The following ZZEF1 variants were observed in gnomAD, a reference collection of about 807,000 sequenced individuals.
The protein encoded by ZZEF1 is zinc finger ZZ-type and EF-hand domain-containing protein 1.
In ZZEF1, 157 loss-of-function variants were observed where a neutral mutation model predicts 342.8. The ratio of observed to expected loss-of-function variants is 0.46; its 90% CI spans 0.40 to 0.52. ZZEF1 has a LOEUF of 0.52. Ranked by LOEUF, ZZEF1 falls within the 20% of genes least tolerant of loss-of-function variation. The pLI, the probability that ZZEF1 is intolerant of heterozygous loss-of-function variation, is 0.00. For missense variants in ZZEF1, 3,480 were observed against 3,725.6 expected (o/e 0.93, Z 1.72); for synonymous variants, 1,505 against 1,429.1 (o/e 1.05, Z -1.20).
At chr17:4,066,396 T>C (rs753028467) in intron 28 of ZZEF1, 51 bp downstream of exon 28, 39 of 1,584,004 alleles carry the variant, frequency 2.5e-5, no homozygotes, top group Non-Finnish European at 3.4e-5. Context: ...TTCCAGGCTC[T>C]AAAACGAAAA....
Position 4,052,871 on chromosome 17 carries a change from GGGC to G in ZZEF1, c.5435-738_5435-736del, listed in dbSNP as rs758033962. Reference sequence around the variant, plus strand: ...GACAGAGTGAGACTTTGTCTCGGGAGGGCGGCGGGGGAGAAAAAACCAGACCCA... The same window carrying G: ...GACAGAGTGAGACTTTGTCTCGGGAGGGCGGGGGAGAAAAAACCAGACCCA... On this transcript the variant is annotated intron_variant, in intron 34 of 54. Transcript: ENST00000381638. 1.4e-4 allele frequency among the ~76,000 whole-genome samples: 20 copies of G among 144,852 alleles called. 1 individual carries two copies. The highest frequency in any genetic ancestry group is 3.1e-4 in the African/African-American group (11 of 35,972).
At chr17:4,101,077 T>C (rs1277930464) in intron 9 of ZZEF1, among the ~76,000 whole-genome samples, 3 of 151,956 alleles carry the variant, frequency 2.0e-5, no homozygotes, top group Non-Finnish European at 2.9e-5. Context: ...TGGAGATGGA[T>C]GTGGTAAAGA....
chr17:4,085,916 T>G (rs1307509259), intron 15 of ZZEF1, 113 bp from the exon 16 acceptor site: 2 of 1,362,518 alleles, frequency 1.5e-6, no homozygotes, highest in East Asian at 4.6e-5. Context: ...AATACCAGAG[T>G]GAAGAAGTAT....
intron 39 of ZZEF1, among the ~76,000 whole-genome samples, chr17:4,035,672 G>A (rs547756997): frequency 5.3e-5 from 8 of 152,342 alleles, no homozygotes; most frequent in Middle Eastern, 3.4e-3. Context: ...GGGCATCTGC[G>A]CGGGGAGTTC....
intron 2 of ZZEF1, among the ~76,000 whole-genome samples, chr17:4,117,449 C>T (rs574806779): frequency 1.3e-5 from 2 of 152,020 alleles, no homozygotes; most frequent in Non-Finnish European, 2.9e-5. Context: ...AGTTCGATAT[C>T]AGCCTGGCCA....
rs769035501 is a variant in ZZEF1 at position 4,027,806 on chromosome 17, C to A, written c.6893-2688G>T. ...TTAGTAGAGATGGGGTCTAGCTATG[C>A]TGCCCAGGCTGGCCCCAAACTCCTG... On this transcript the variant is annotated intron_variant, in intron 42 of 54. Coordinates refer to ENST00000381638, the MANE Select transcript of ZZEF1 (RefSeq NM_015113.4). Among the ~76,000 whole-genome samples the A allele has an allele frequency of 3.2e-4, 49 of 151,064 alleles. 1 individual carries two copies. Among genetic ancestry groups the A allele is most frequent in the Admixed American group, 1.4e-3 (22 of 15,196 alleles).
At position 4,064,389 on chromosome 17, in the gene ZZEF1, T is replaced by A. The variant is rs771103656; in HGVS notation, c.4690A>T (p.Ile1564Phe). ...YPVLKDVMDF[I>F]KDQSLSHRSV... ...CTGTGCGAGAGCGACTGATCCTTAA[T>A]GAAGTCCATGACGTCCTTCAGCACA... is the stretch of plus-strand genomic sequence containing the variant. The change falls in exon 29 of 55, where the codon ATT becomes TTT. Residue 1564 changes from isoleucine (I) to phenylalanine (F), a missense_variant. By Grantham distance (21) the Ile-to-Phe change is conservative. This residue lies in a region of ZZEF1 where 1,528 missense variants were observed against 1,624.1 expected (regional missense o/e 0.94). Transcript: ENST00000381638. 6.2e-7 allele frequency: 1 copy of A among 1,601,686 alleles called. No homozygotes were observed. Among genetic ancestry groups the A allele is most frequent in the Non-Finnish European group, 8.5e-7 (1 of 1,170,334 alleles).
At chr17:4,071,007 A>G (rs767783072) in intron 25 of ZZEF1, 83 bp from the exon 26 acceptor site, 4 of 1,512,116 alleles carry the variant, frequency 2.6e-6, no homozygotes, top group African/African-American at 1.4e-5. Flanking sequence ...AGGCCAAAGC[A>G]GAAGTATAAA....
At position 4,008,695 on chromosome 17, in the gene ZZEF1, T is replaced by C. The variant is rs1453535258; in HGVS notation, c.8805+188A>G. The C allele has an allele frequency of 1.5e-6, 2 of 1,362,416 alleles. No homozygotes were observed. The highest frequency in any genetic ancestry group is 1.5e-5 in the African/African-American group (1 of 67,608). 84.4% of individuals were successfully genotyped at this position (1,362,416 alleles called of 1,614,324 possible). ...CCCCACAGTTTAGAGTGAATGACTC[T>C]GATAAATGGGGCTCGTGCATGCTCT... On this transcript the variant is annotated intron_variant, in intron 54 of 54. Coordinates refer to ENST00000381638, the MANE Select transcript of ZZEF1 (RefSeq NM_015113.4). This position sits in a 1 kb window ranked among gnomAD's most constrained non-coding sequence, Gnocchi z 4.2.
At position 4,109,747 on chromosome 17, in the gene ZZEF1, A is replaced by T. The variant is rs2058267446; in HGVS notation, c.1183T>A (p.Ser395Thr). Residue 395 changes from serine to threonine, a missense_variant, in exon 6 of 55, where the codon TCT (serine) becomes ACT (threonine). Transcript: ENST00000381638. Reference sequence around the variant, plus strand: ...AGCAGAGACCAATACCATATTGCAGAAGCATCTGAGACTGAGACCCCAGAC... The same window carrying T: ...AGCAGAGACCAATACCATATTGCAGTAGCATCTGAGACTGAGACCCCAGAC... ...KKSGVSVSDASAIWYWSLLTS... is the reference protein window; with the variant it reads ...KKSGVSVSDATAIWYWSLLTS... The T allele has an allele frequency of 6.2e-7, 1 of 1,614,052 alleles. No individual in the cohort carries two copies. The highest frequency in any genetic ancestry group is 8.5e-7 in the Non-Finnish European group (1 of 1,180,042).
At chr17:4,072,891 A>C (rs2057538519) in intron 24 of ZZEF1, 135 bp from the exon 25 acceptor site, 1 of 873,542 alleles carries the variant, frequency 1.1e-6, no homozygotes, top group Non-Finnish European at 1.7e-6. Flanking sequence ...ACATACCAGA[A>C]TGTAATTGTG....
At chr17:4,045,544 A>C (rs894859333) in intron 37 of ZZEF1, among the ~76,000 whole-genome samples, 1 of 152,238 alleles carries the variant, frequency 6.6e-6, no homozygotes, top group African/African-American at 2.4e-5. Flanking sequence ...GCCTAGAAAT[A>C]TGACATTGTT....
intron 1 of ZZEF1, among the ~76,000 whole-genome samples, chr17:4,132,547 A>C (rs12939728): frequency 0.54 from 80,298 of 148,844 alleles, 23,004 homozygotes; most frequent in East Asian, 0.73. Context: ...AAATACAAAA[A>C]ATTAGCCGGG....
chr17:4,109,049 T>A (rs1291828782), intron 6 of ZZEF1, among the ~76,000 whole-genome samples: 1 of 152,242 alleles, frequency 6.6e-6, no homozygotes, highest in Non-Finnish European at 1.5e-5. Flanking sequence ...TACTATTTGG[T>A]CTTTTTGCCC....
intron 1 of ZZEF1, among the ~76,000 whole-genome samples, chr17:4,125,578 T>G (rs1247206377): frequency 6.6e-6 from 1 of 152,172 alleles, no homozygotes; most frequent in Non-Finnish European, 1.5e-5. Context: ...TCCAAAAAGT[T>G]AATAGGATCA....
At chr17:4,139,804 A>G (rs1055415264) in intron 1 of ZZEF1, among the ~76,000 whole-genome samples, 8 of 152,224 alleles carry the variant, frequency 5.3e-5, no homozygotes, top group African/African-American at 1.9e-4. Flanking sequence ...AAGACTGCCA[A>G]ATATAACTCA....
chr17:4,135,996 C>CTTTTTTT (rs59632245), intron 1 of ZZEF1, among the ~76,000 whole-genome samples: 1 of 125,516 alleles, frequency 8.0e-6, no homozygotes, highest in Non-Finnish European at 1.6e-5. Flanking sequence ...GATATTTTCT[C>CTTTTTTT]TTTTTTTTTT....
At position 4,075,310 on chromosome 17, in the gene ZZEF1, T is replaced by C; in HGVS notation, c.3354A>G (p.Ala1118=). 1 of 1,614,258 alleles carries C rather than the reference T, an allele frequency of 6.2e-7. No homozygotes were observed. The highest frequency in any genetic ancestry group is 8.5e-7 in the Non-Finnish European group (1 of 1,180,048). The part of the protein sequence containing the change: ...HEVSVFVSPG[A]TYFEVEFDDR... ...CATCGAATTCCACTTCAAAATAGGT[T>C]GCCCCTGGGCTAACAAAGACGGATA... The change falls in exon 22 of 55, where the codon GCA becomes GCG. Residue 1118 remains alanine (A), a synonymous_variant. Coordinates refer to ENST00000381638, the MANE Select transcript of ZZEF1 (RefSeq NM_015113.4).
At chr17:4,026,204 G>A (rs2056398967) in intron 42 of ZZEF1, among the ~76,000 whole-genome samples, 1 of 152,266 alleles carries the variant, frequency 6.6e-6, no homozygotes, top group East Asian at 1.9e-4. Context: ...CAGAGAGCTG[G>A]GAATACTTTG....
Sources: gnomAD v4.1 joint callset for allele counts (sites outside exome capture counted in the v4.1 genomes callset) on GRCh38, gnomAD v4.1.1 for gene constraint, gnomAD v4.1.1 regional missense constraint, Gnocchi (gnomAD v3.1) non-coding constraint, MANE v1.5 for transcripts, NCBI Gene and HGNC (gene_info 2026-07-23, HGNC 2026-07-21) for gene names.